The following AKAP7 variants were observed in gnomAD, a reference collection of about 807,000 sequenced individuals.
AKAP7 encodes the protein A-kinase anchoring protein 7, also known as A kinase (PRKA) anchor protein 7.
In AKAP7, 39 loss-of-function variants were observed where a neutral mutation model predicts 39.5. That is an observed-to-expected ratio of 0.99 (90% CI 0.76 to 1.29). The LOEUF is 1.29. Ranked by LOEUF, AKAP7 falls within the 50% of genes most tolerant of loss-of-function variation. AKAP7 has a pLI of 0.00. For synonymous variants in AKAP7, 140 were observed against 139.1 expected (o/e 1.01, Z -0.05); for missense variants, 414 against 407.7 (o/e 1.02, Z -0.13).
rs905077000 is a variant in AKAP7, at chr6:131,282,760, T to C, written c.*1034T>C. On this transcript the variant is annotated 3_prime_UTR_variant, in exon 8 of 8. Transcript: ENST00000431975. ...GCAATTTCTTGCCAAAGAAAATTGA[T>C]TCTGCCCAATTATTTTTTGAGCTAC... is the stretch of plus-strand genomic sequence containing the variant. 13 of 542,278 alleles carry C rather than the reference T, an allele frequency of 2.4e-5. No homozygotes were observed. Among genetic ancestry groups the C allele is most frequent in the African/African-American group, 1.3e-4 (7 of 52,516 alleles). The allele number at this position is 542,278 out of a possible 1,614,324, so 33.6% of individuals were successfully genotyped here. A position where few individuals can be genotyped will look rare whatever the true frequency, so the allele number is the denominator to read the frequency against.
intron 7 of AKAP7, among the ~76,000 whole-genome samples, chr6:131,241,600 T>TGA (rs1811569197): frequency 1.5e-5 from 2 of 131,358 alleles, no homozygotes; most frequent in Non-Finnish European, 3.2e-5. Flanking sequence ...TGTGTGTGTG[T>TGA]GTGTGTGTGT....
intron 4 of AKAP7, among the ~76,000 whole-genome samples, chr6:131,167,097 T>C (rs1487357485): frequency 6.6e-6 from 1 of 152,198 alleles, no homozygotes; most frequent in Non-Finnish European, 1.5e-5. Flanking sequence ...TAGTTTGAAA[T>C]ACAACCTTTG....
chr6:131,155,170 T>C (rs564990634), intron 2 of AKAP7, among the ~76,000 whole-genome samples: 12 of 152,104 alleles, frequency 7.9e-5, no homozygotes, highest in African/African-American at 2.7e-4. Context: ...CATACCACAA[T>C]GCCTGGTTAA....
chr6:131,234,275 G>A (rs1011026436), intron 7 of AKAP7, among the ~76,000 whole-genome samples: 4 of 152,158 alleles, frequency 2.6e-5, no homozygotes, highest in African/African-American at 9.7e-5. Context: ...GATCAAAGAT[G>A]GTAGGCAAAC....
intron 7 of AKAP7, among the ~76,000 whole-genome samples, chr6:131,237,867 C>G (rs1488865840): frequency 1.4e-4 from 22 of 152,156 alleles, no homozygotes; most frequent in Admixed American, 1.4e-3. Context: ...CTCCTGGATT[C>G]ACTGATTTTT....
At position 131,282,374 on chromosome 6, in the gene AKAP7, TTATTA is replaced by T. The variant is rs1188146089; in HGVS notation, c.*652_*656del. 16 of 1,440,166 alleles carry T rather than the reference TTATTA, an allele frequency of 1.1e-5. No homozygotes were observed. The highest frequency in any genetic ancestry group is 2.9e-5 in the African/African-American group (2 of 69,754). 89.2% of individuals were successfully genotyped at this position (1,440,166 alleles called of 1,614,324 possible). On this transcript the variant is annotated 3_prime_UTR_variant, in exon 8 of 8. Transcript: ENST00000431975. The stretch of plus-strand genomic sequence containing the variant: ...TCAGTATGCCATATTTAATGAAATG[TTATTA>T]TATAATTTTTTTTTCTTAGGCAAGA...
At chr6:131,277,102 C>A (rs1480105495) in intron 7 of AKAP7, among the ~76,000 whole-genome samples, 6 of 152,304 alleles carry the variant, frequency 3.9e-5, no homozygotes, top group African/African-American at 1.4e-4. Flanking sequence ...AAAACAGAAT[C>A]ATAGGTACGA....
Position 131,199,546 on chromosome 6 carries a change from G to T in AKAP7, c.675G>T (p.Leu225Phe). 6.2e-7 allele frequency: 1 copy of T among 1,610,564 alleles called. No homozygotes were observed. Among genetic ancestry groups the T allele is most frequent in the Non-Finnish European group, 8.5e-7 (1 of 1,176,956 alleles). ...AACCTCATTTGACCTTCATGAAGTT[G>T]TCAAAATCACCGTGGCTCCGTAAGA... ...SFKPHLTFMK[L>F]SKSPWLRKNG... The change falls in exon 6 of 8, where the codon TTG (leucine) becomes TTT (phenylalanine). Residue 225 changes from leucine to phenylalanine, a missense_variant. Physicochemically the swap from Leu to Phe is conservative, Grantham distance 22 (BLOSUM62 0). Transcript: ENST00000431975.
intron 5 of AKAP7, among the ~76,000 whole-genome samples, chr6:131,197,000 C>T (rs1807002183): frequency 6.6e-6 from 1 of 151,878 alleles, no homozygotes; most frequent in African/African-American, 2.4e-5. Flanking sequence ...AACCCACATC[C>T]CAAAGTATTC....
At chr6:131,220,631 C>A (rs970434234) in intron 7 of AKAP7, among the ~76,000 whole-genome samples, 1 of 152,108 alleles carries the variant, frequency 6.6e-6, no homozygotes, top group Non-Finnish European at 1.5e-5. Context: ...ACAGATATTG[C>A]CTTAAAAAGA....
At chr6:131,245,757 T>C (rs1289029474) in intron 7 of AKAP7, among the ~76,000 whole-genome samples, 6 of 152,316 alleles carry the variant, frequency 3.9e-5, no homozygotes, top group African/African-American at 9.6e-5. Context: ...GTCTCTTTTA[T>C]AGTTAAAGGT....
At chr6:131,162,568 TA>T (rs1803079446) in intron 3 of AKAP7, among the ~76,000 whole-genome samples, 1 of 152,198 alleles carries the variant, frequency 6.6e-6, no homozygotes, top group Admixed American at 6.5e-5. Flanking sequence ...CCAACCTGCT[TA>T]TATACTTCAG....
intron 7 of AKAP7, among the ~76,000 whole-genome samples, chr6:131,273,083 T>A (rs1336814902): frequency 2.0e-5 from 3 of 152,192 alleles, no homozygotes; most frequent in African/African-American, 7.2e-5. Context: ...CATTATTATA[T>A]AATATCTCTT....
At chr6:131,169,817 C>A in intron 5 of AKAP7, among the ~76,000 whole-genome samples, 1 of 151,502 alleles carries the variant, frequency 6.6e-6, no homozygotes, top group South Asian at 2.1e-4. Flanking sequence ...ATTTTCACTT[C>A]ATTTCATGTC....
chr6:131,175,316 A>G (rs1804472413), intron 5 of AKAP7, among the ~76,000 whole-genome samples: 1 of 152,162 alleles, frequency 6.6e-6, no homozygotes, highest in Admixed American at 6.5e-5. Context: ...GTTGAAAAAT[A>G]TCCATATATA....
chr6:131,184,611 G>A, intron 5 of AKAP7: 4 of 743,470 alleles, frequency 5.4e-6, no homozygotes, highest in South Asian at 1.5e-5. Context: ...AGCCACAGTC[G>A]AAACAGGACA....
intron 7 of AKAP7, among the ~76,000 whole-genome samples, chr6:131,233,769 A>G (rs9321279): frequency 0.06 from 9,164 of 152,254 alleles, 748 homozygotes; most frequent in African/African-American, 0.19. Context: ...GGAAAAGAGC[A>G]TATCATTTAT....
chr6:131,221,075 T>A (rs1345386132), intron 7 of AKAP7, among the ~76,000 whole-genome samples: 1 of 152,238 alleles, frequency 6.6e-6, no homozygotes, highest in African/African-American at 2.4e-5. Flanking sequence ...ATCCGAAAGC[T>A]AGGCTTCTTG....
At chr6:131,188,130 T>C (rs898991309) in intron 5 of AKAP7, among the ~76,000 whole-genome samples, 8 of 152,236 alleles carry the variant, frequency 5.3e-5, no homozygotes, top group Non-Finnish European at 1.0e-4. Context: ...AAAATTCTAC[T>C]TGTCAGTTTT....
Sources: allele counts gnomAD v4.1 joint callset (sites outside exome capture counted in the v4.1 genomes callset), GRCh38; gene constraint gnomAD v4.1.1; transcripts MANE v1.5; gene names NCBI Gene and HGNC (gene_info 2026-07-23, HGNC 2026-07-21).